Variants in FHIT observed in about 807,000 individuals in gnomAD.
The protein encoded by FHIT is fragile histidine triad diadenosine triphosphatase, also known as bis(5'-adenosyl)-triphosphatase.
In FHIT, 19 loss-of-function variants were observed where a neutral mutation model predicts 17.9. The ratio of observed to expected loss-of-function variants is 1.06; its 90% CI spans 0.74 to 1.56. FHIT has a LOEUF of 1.56. Ranked by LOEUF, FHIT falls within the 40% of genes most tolerant of loss-of-function variation. FHIT has a pLI of 0.00. For missense variants in FHIT, 248 were observed against 189.2 expected, an observed-to-expected ratio of 1.31 and a Z score of -1.82; for synonymous variants, 81 against 69.7, an observed-to-expected ratio of 1.16 and a Z score of -0.81.
chr3:60,630,954 AAAC>A (rs60228841), intron 4 of FHIT, among the ~76,000 whole-genome samples: 3,146 of 112,712 alleles, frequency 0.028, 65 homozygotes, highest in Middle Eastern at 0.049. Flanking sequence ...AAAAAAAAAA[AAAC>A]ACACAGAAAT....
chr3:60,207,999 CAACA>C (rs370316039), intron 5 of FHIT, among the ~76,000 whole-genome samples: 2 of 152,220 alleles, frequency 1.3e-5, no homozygotes, highest in African/African-American at 4.8e-5. Context: ...TATAGATATC[CAACA>C]AACAATGAGG....
At chr3:60,047,932 G>A (rs917022343) in intron 5 of FHIT, among the ~76,000 whole-genome samples, 30 of 152,158 alleles carry the variant, frequency 2.0e-4, no homozygotes, top group Admixed American at 1.9e-3. Flanking sequence ...TGCCATAACC[G>A]TGAGTTGGGT....
intron 3 of FHIT, among the ~76,000 whole-genome samples, chr3:60,923,870 C>G (rs545011707): frequency 1.6e-4 from 24 of 152,300 alleles, no homozygotes; most frequent in African/African-American, 5.8e-4. Context: ...TAATACTGTG[C>G]TTTTCCAATG....
chr3:60,537,461 T>G (rs2036025705), intron 4 of FHIT: 2 of 983,570 alleles, frequency 2.0e-6, no homozygotes. Context: ...TGTCTGACCT[T>G]GCCTACAATT....
intron 5 of FHIT, among the ~76,000 whole-genome samples, chr3:60,523,678 C>T (rs576577777): frequency 1.3e-5 from 2 of 152,164 alleles, no homozygotes; most frequent in Non-Finnish European, 2.9e-5. Context: ...ATCTCATGAG[C>T]CGACGAGTTA....
chr3:60,601,204 T>C (rs1001862631), intron 4 of FHIT, among the ~76,000 whole-genome samples: 1 of 152,200 alleles, frequency 6.6e-6, no homozygotes, highest in Non-Finnish European at 1.5e-5. Context: ...GGTCGCCCAG[T>C]GTGGGCTGCA....
chr3:59,956,609 C>T lies in FHIT; in HGVS notation c.280-34195G>A, dbSNP rs545313010. Among the ~76,000 whole-genome samples, 21 of 152,022 alleles carry T rather than the reference C, an allele frequency of 1.4e-4. 1 individual carries two copies. Among genetic ancestry groups the T allele is most frequent in the African/African-American group, 1.9e-4 (8 of 41,472 alleles). Reference sequence around the variant, plus strand: ...CTTGAACCCGGGAGGGAGAGGTTACCGTGAGCCAAGATCGCGCCACTGCAC... The same window carrying T: ...CTTGAACCCGGGAGGGAGAGGTTACTGTGAGCCAAGATCGCGCCACTGCAC... On this transcript the variant is annotated intron_variant, in intron 7 of 9. Coordinates refer to ENST00000492590, the MANE Select transcript of FHIT (RefSeq NM_002012.4).
intron 3 of FHIT, among the ~76,000 whole-genome samples, chr3:60,842,643 ATATTTTTTT>A (rs1702775437): frequency 4.1e-5 from 2 of 48,260 alleles, no homozygotes; most frequent in African/African-American, 1.1e-4. Flanking sequence ...ATATATATAT[ATATTTTTTT>A]TTTTTTTTTT....
intron 4 of FHIT, among the ~76,000 whole-genome samples, chr3:60,770,248 T>C (rs1699995434): frequency 6.6e-6 from 1 of 151,946 alleles, no homozygotes. Flanking sequence ...AGCAAGGTAT[T>C]ATAACTTGAA....
At chr3:60,493,956 T>G (rs1169856319) in intron 5 of FHIT, among the ~76,000 whole-genome samples, 1 of 152,096 alleles carries the variant, frequency 6.6e-6, no homozygotes, top group African/African-American at 2.4e-5. Context: ...TGAGACATGC[T>G]TTGTAGTTTT....
chr3:59,945,778 T>C (rs984086368), intron 7 of FHIT, among the ~76,000 whole-genome samples: 3 of 152,190 alleles, frequency 2.0e-5, no homozygotes. Context: ...TCAAGCACCA[T>C]TTATTGAAAA....
chr3:60,582,626 A>T (rs1553660076), intron 4 of FHIT, among the ~76,000 whole-genome samples: 3 of 115,404 alleles, frequency 2.6e-5, no homozygotes, highest in Non-Finnish European at 3.7e-5. Flanking sequence ...TATTTGGGAT[A>T]AAAAAAAATG....
At chr3:60,548,949 A>G (rs981195858) in intron 4 of FHIT, among the ~76,000 whole-genome samples, 18 of 152,154 alleles carry the variant, frequency 1.2e-4, no homozygotes, top group African/African-American at 4.3e-4. Flanking sequence ...TTTCCAATTC[A>G]TTTTATGAAC....
intron 4 of FHIT, among the ~76,000 whole-genome samples, chr3:60,675,120 C>T (rs1553694921): frequency 6.6e-6 from 1 of 152,244 alleles, no homozygotes; most frequent in Non-Finnish European, 1.5e-5. Context: ...GGTCACAGCC[C>T]TGCATTGCCT....
At chr3:60,595,775 C>T (rs1336921105) in intron 4 of FHIT, among the ~76,000 whole-genome samples, 1 of 151,914 alleles carries the variant, frequency 6.6e-6, no homozygotes, top group Non-Finnish European at 1.5e-5. Context: ...TCCTAAGTAG[C>T]TGTAACTACA....
chr3:59,751,666 A>C (rs1700910712), intron 9 of FHIT: 1 of 228,400 alleles, frequency 4.4e-6, no homozygotes, highest in Non-Finnish European at 8.7e-6. Flanking sequence ...TCAAGCCTTG[A>C]CTTTTCCCTG....
At chr3:60,056,536 C>G (rs1015967427) in intron 5 of FHIT, among the ~76,000 whole-genome samples, 2 of 152,216 alleles carry the variant, frequency 1.3e-5, no homozygotes, top group African/African-American at 4.8e-5. Flanking sequence ...CAAGTATACG[C>G]TTTTGATTGA....
At chr3:60,369,344 T>C (rs1482131769) in intron 5 of FHIT, among the ~76,000 whole-genome samples, 1 of 152,186 alleles carries the variant, frequency 6.6e-6, no homozygotes, top group African/African-American at 2.4e-5. Flanking sequence ...TCATCTGTTC[T>C]TGAACAGCAT....
intron 7 of FHIT, among the ~76,000 whole-genome samples, chr3:60,009,402 T>C (rs114227742): frequency 2.6e-4 from 39 of 152,244 alleles, no homozygotes; most frequent in African/African-American, 8.4e-4. Flanking sequence ...TTAAGCTAAA[T>C]AATCAGGGTG....
Sources: allele counts gnomAD v4.1 joint callset (sites outside exome capture counted in the v4.1 genomes callset), GRCh38; gene constraint gnomAD v4.1.1; transcripts MANE v1.5; gene names NCBI Gene and HGNC (gene_info 2026-07-23, HGNC 2026-07-21).